LOC128462377: variants seen among roughly 807,000 people sequenced by gnomAD.
chr16:89,362,404 T>A, the LOC128462377 span, among the ~76,000 whole-genome samples: 1 of 152,152 alleles, frequency 6.6e-6, no homozygotes, highest in South Asian at 2.1e-4. Context: ...GCACGAAAGT[T>A]CCATCTAGAC....
the LOC128462377 span, chr16:89,320,241 C>A: frequency 6.6e-6 from 1 of 152,234 alleles, no homozygotes; most frequent in Non-Finnish European, 1.5e-5. Context: ...TGCTGCACAG[C>A]CGACCACACA....
At chr16:89,320,826 C>T in the LOC128462377 span, among the ~76,000 whole-genome samples, 2 of 152,250 alleles carry the variant, frequency 1.3e-5, no homozygotes, top group Non-Finnish European at 2.9e-5. Context: ...CCGTCCTTGC[C>T]CTGTGCCTCT....
chr16:89,392,651 A>C, the LOC128462377 span: 4 of 150,884 alleles, frequency 2.7e-5, no homozygotes, highest in South Asian at 8.5e-4. Context: ...CGATCAACTC[A>C]GCATCTGTAA....
At chr16:89,388,821 G>A in the LOC128462377 span, among the ~76,000 whole-genome samples, 1 of 152,316 alleles carries the variant, frequency 6.6e-6, no homozygotes, top group South Asian at 2.1e-4. Context: ...CACTGCCACA[G>A]CCCGGGGAAT....
chr16:89,386,707 G>A, the LOC128462377 span, among the ~76,000 whole-genome samples: 3,084 of 152,298 alleles, frequency 0.02, 95 homozygotes, highest in African/African-American at 0.07. Flanking sequence ...ACGCTTATAA[G>A]CTACTCAAGT....
the LOC128462377 span, among the ~76,000 whole-genome samples, chr16:89,368,052 G>A: frequency 5.9e-5 from 9 of 152,126 alleles, no homozygotes; most frequent in Non-Finnish European, 1.0e-4. Flanking sequence ...CAACTGCTGT[G>A]CTCCGTTTAT....
chr16:89,407,278 C>G, the LOC128462377 span, among the ~76,000 whole-genome samples: 1 of 151,486 alleles, frequency 6.6e-6, no homozygotes, highest in Non-Finnish European at 1.5e-5. Context: ...GAAAAAGACT[C>G]ATATTTTTAT....
the LOC128462377 span, among the ~76,000 whole-genome samples, chr16:89,385,472 C>A: frequency 1.6e-3 from 238 of 152,264 alleles, 3 homozygotes; most frequent in Middle Eastern, 0.014. Flanking sequence ...AGCCCGTCCA[C>A]AAGCCAGCAC....
the LOC128462377 span, among the ~76,000 whole-genome samples, chr16:89,399,466 A>G: frequency 2.6e-5 from 4 of 152,260 alleles, no homozygotes; most frequent in Non-Finnish European, 4.4e-5. Flanking sequence ...AAAACCGTGC[A>G]GACAGCACAA....
At chr16:89,388,541 G>A in the LOC128462377 span, among the ~76,000 whole-genome samples, 1 of 152,192 alleles carries the variant, frequency 6.6e-6, no homozygotes. Context: ...AAAAGCCCAC[G>A]AGATGACAAA....
chr16:89,353,438 G>A, the LOC128462377 span, among the ~76,000 whole-genome samples: 1 of 152,186 alleles, frequency 6.6e-6, no homozygotes, highest in Admixed American at 6.5e-5. Flanking sequence ...AATACCAGCA[G>A]TAAGAGGAAC....
chr16:89,329,702 G>A, the LOC128462377 span, among the ~76,000 whole-genome samples: 1 of 152,200 alleles, frequency 6.6e-6, no homozygotes, highest in East Asian at 1.9e-4. Flanking sequence ...TTGGAATCAT[G>A]CATTTTACAT....
chr16:89,324,478 G>A, the LOC128462377 span: 1 of 456,680 alleles, frequency 2.2e-6, no homozygotes, highest in Non-Finnish European at 4.4e-6. Flanking sequence ...CTGGACTAAA[G>A]GATGTGTAAC....
At chr16:89,399,191 C>CA in the LOC128462377 span, among the ~76,000 whole-genome samples, 1 of 152,150 alleles carries the variant, frequency 6.6e-6, no homozygotes, top group African/African-American at 2.4e-5. Context: ...CAAGACAAGT[C>CA]AGAGGCAGAA....
chr16:89,362,399 A>G, the LOC128462377 span, among the ~76,000 whole-genome samples: 7 of 152,182 alleles, frequency 4.6e-5, no homozygotes, highest in Non-Finnish European at 1.0e-4. Flanking sequence ...AGAGTGCACG[A>G]AAGTTCCATC....
the LOC128462377 span, among the ~76,000 whole-genome samples, chr16:89,377,995 T>A: frequency 2.0e-5 from 3 of 152,144 alleles, no homozygotes. Context: ...ATGATTTTCT[T>A]AACAACACCT....
chr16:89,379,560 C>A, the LOC128462377 span, among the ~76,000 whole-genome samples: 98 of 152,304 alleles, frequency 6.4e-4, no homozygotes, highest in Non-Finnish European at 1.3e-3. Context: ...CTCACTGCAG[C>A]CTCAACCTCC....
At chr16:89,395,617 G>A in the LOC128462377 span, 4 of 152,244 alleles carry the variant, frequency 2.6e-5, no homozygotes, top group Non-Finnish European at 5.9e-5. Flanking sequence ...GCAAGCATAG[G>A]TATCAGGGGA....
the LOC128462377 span, among the ~76,000 whole-genome samples, chr16:89,342,253 G>C: frequency 6.6e-6 from 1 of 152,260 alleles, no homozygotes; most frequent in Admixed American, 6.5e-5. Context: ...AAAGGTTCCA[G>C]GTGGAACATC....
Sources: gnomAD v4.1 joint callset for allele counts (sites outside exome capture counted in the v4.1 genomes callset) on GRCh38, gnomAD v4.1.1 for gene constraint, MANE v1.5 for transcripts.